The following FXR1 variants were observed in gnomAD, a reference collection of about 807,000 sequenced individuals.
FXR1 encodes FMR1 autosomal homolog 1.
A neutral mutation model predicts 84.0 loss-of-function variants in FXR1; 15 were observed. The ratio of observed to expected loss-of-function variants is 0.18; its 90% CI spans 0.12 to 0.27. The LOEUF is 0.27. Ranked by LOEUF, FXR1 falls within the 10% of genes least tolerant of loss-of-function variation. The probability of loss-of-function intolerance (pLI) is 1.00; values close to 1 mark genes in which losing one functional copy is unlikely to be tolerated. For synonymous variants in FXR1, 245 were observed against 250.7 expected (o/e 0.98, Z 0.21); for missense variants, 480 against 774.4 (o/e 0.62, Z 4.51).
chr3:180,962,131 C>T (rs561848696), intron 11 of FXR1, among the ~76,000 whole-genome samples: 2 of 152,260 alleles, frequency 1.3e-5, no homozygotes, highest in East Asian at 3.9e-4. Flanking sequence ...TTATTTTCTA[C>T]TCTTTCCCTT....
intron 3 of FXR1, among the ~76,000 whole-genome samples, chr3:180,943,242 C>CAG (rs1721323929): frequency 7.4e-6 from 1 of 134,842 alleles, no homozygotes; most frequent in Non-Finnish European, 1.5e-5. Context: ...GCTGAGATTA[C>CAG]AGGTGTGAGC....
chr3:180,957,982 T>C, intron 10 of FXR1, 54 bp downstream of exon 10: 1 of 756,804 alleles, frequency 1.3e-6, no homozygotes, highest in Non-Finnish European at 2.3e-6. Context: ...TTTGGCCAAC[T>C]TAATAGTTGT....
chr3:180,918,899 T>C (rs1020920176), intron 1 of FXR1, among the ~76,000 whole-genome samples: 2 of 152,252 alleles, frequency 1.3e-5, no homozygotes, highest in East Asian at 1.9e-4. Flanking sequence ...TTGAGAATAC[T>C]GAGGCTAAGT....
chr3:180,920,401 A>G (rs1718435289), intron 1 of FXR1, among the ~76,000 whole-genome samples: 1 of 152,192 alleles, frequency 6.6e-6, no homozygotes, highest in South Asian at 2.1e-4. Flanking sequence ...ATTTTTTTAA[A>G]GAAGTTATGT....
At chr3:180,972,069 T>G (rs573973180) in intron 15 of FXR1, among the ~76,000 whole-genome samples, 111 of 152,352 alleles carry the variant, frequency 7.3e-4, no homozygotes, top group African/African-American at 2.5e-3. Flanking sequence ...TTAAAGATAG[T>G]TGGAAATTTT....
At chr3:180,929,557 T>C (rs1719637571) in intron 1 of FXR1, among the ~76,000 whole-genome samples, 1 of 152,100 alleles carries the variant, frequency 6.6e-6, no homozygotes, top group African/African-American at 2.4e-5. Context: ...TGGGTGTGAA[T>C]AGGAAGAGAG....
chr3:180,931,726 T>C (rs934795710), intron 1 of FXR1, among the ~76,000 whole-genome samples: 1 of 148,054 alleles, frequency 6.8e-6, no homozygotes, highest in Non-Finnish European at 1.5e-5. Flanking sequence ...CCCTTAAAAA[T>C]TAGTTGTTGT....
At chr3:180,967,982 C>G (rs1713052537) in intron 13 of FXR1, 69 bp from the exon 14 acceptor site, 2 of 961,082 alleles carry the variant, frequency 2.1e-6, no homozygotes, top group Non-Finnish European at 3.4e-6. Context: ...ATTTGTAGGA[C>G]ATAATTTTGA....
rs1477336119 is a variant in FXR1 at position 180,968,264 on chromosome 3, T to G, written c.1402+10T>G. 1 of 1,535,796 alleles carries G rather than the reference T, an allele frequency of 6.5e-7. No individual in the cohort carries two copies. The highest frequency in any genetic ancestry group is 1.7e-5 in the Admixed American group (1 of 59,850). On this transcript the variant is annotated intron_variant, in intron 14 of 16. Coordinates refer to ENST00000357559, the MANE Select transcript of FXR1 (RefSeq NM_005087.4). ...TCCTCCATCAGTTCTGGTAGTCTTT[T>G]CTATACTCTGTCAGCATCCATTATT...
intron 1 of FXR1, among the ~76,000 whole-genome samples, chr3:180,929,160 C>A (rs779622180): frequency 6.6e-6 from 1 of 152,134 alleles, no homozygotes; most frequent in East Asian, 1.9e-4. Flanking sequence ...CTGCCTTGGC[C>A]TCCCAAAGTG....
intron 10 of FXR1, 83 bp from the exon 11 acceptor site, chr3:180,961,385 C>G (rs1280676284): frequency 2.2e-6 from 1 of 450,682 alleles, no homozygotes; most frequent in South Asian, 2.7e-5. Context: ...GTGTGTGTGC[C>G]TGCCTGTCAG....
chr3:180,963,578 G>A (rs752990099), intron 13 of FXR1, among the ~76,000 whole-genome samples: 1 of 152,026 alleles, frequency 6.6e-6, no homozygotes, highest in Admixed American at 6.6e-5. Context: ...CTCATTTGGC[G>A]TATTTGAATA....
chr3:180,937,194 G>A (rs1054342717), intron 3 of FXR1, among the ~76,000 whole-genome samples: 1 of 152,164 alleles, frequency 6.6e-6, no homozygotes, highest in Non-Finnish European at 1.5e-5. Context: ...GTAAGCAAAA[G>A]TTAGGTCAAG....
At chr3:180,953,716 C>T (rs370589680) in intron 8 of FXR1, 46 bp from the exon 9 acceptor site, 10 of 916,702 alleles carry the variant, frequency 1.1e-5, no homozygotes, top group African/African-American at 1.0e-4. Flanking sequence ...TGGGTTGCTC[C>T]GAGATTGAAA....
intron 3 of FXR1, among the ~76,000 whole-genome samples, chr3:180,940,585 C>CTTTTTTTTTTTTTTTT (rs58770842): frequency 6.8e-6 from 1 of 147,430 alleles, no homozygotes; most frequent in African/African-American, 2.5e-5. Context: ...TTTCTGTTTT[C>CTTTTTTTTTTTTTTTT]TTTTTTTTTT....
chr3:180,978,633 C>G lies in FXR1; in HGVS notation c.*2341C>G, dbSNP rs562913568. The stretch of plus-strand genomic sequence containing the variant: ...GGCACAGTAGCTTATGTCTTTGGTT[C>G]TAGCTACTCAGGAGCCTGAGGTGGG... On this transcript the variant is annotated 3_prime_UTR_variant, in exon 17 of 17. Coordinates refer to ENST00000357559, the MANE Select transcript of FXR1 (RefSeq NM_005087.4). 3 of 152,174 alleles carry G rather than the reference C, an allele frequency of 2.0e-5. No homozygotes were observed. Among genetic ancestry groups the G allele is most frequent in the African/African-American group, 7.2e-5 (3 of 41,550 alleles). 9.4% of individuals were successfully genotyped at this position (152,174 alleles called of 1,614,324 possible).
chr3:180,924,430 T>A (rs1486195155), intron 1 of FXR1, among the ~76,000 whole-genome samples: 1 of 152,198 alleles, frequency 6.6e-6, no homozygotes, highest in Admixed American at 6.5e-5. Context: ...AAAAAGATTG[T>A]TTGCTGTGTT....
chr3:180,959,889 C>T (rs769390802), intron 10 of FXR1, among the ~76,000 whole-genome samples: 1 of 152,076 alleles, frequency 6.6e-6, no homozygotes, highest in African/African-American at 2.4e-5. Context: ...TTAAAAATTA[C>T]TTTGAAAATA....
At chr3:180,927,009 C>T (rs1333114460) in intron 1 of FXR1, among the ~76,000 whole-genome samples, 1 of 152,042 alleles carries the variant, frequency 6.6e-6, no homozygotes, top group East Asian at 1.9e-4. Context: ...GTATTTCAAA[C>T]ATTAAAATTT....
Sources: gnomAD v4.1 joint callset for allele counts (sites outside exome capture counted in the v4.1 genomes callset) on GRCh38, gnomAD v4.1.1 for gene constraint, MANE v1.5 for transcripts, NCBI Gene and HGNC (gene_info 2026-07-23, HGNC 2026-07-21) for gene names.